AGAP1: variants seen among roughly 807,000 people sequenced by gnomAD.
The protein encoded by AGAP1 is ArfGAP with GTPase domain, ankyrin repeat and PH domain 1.
In AGAP1, 29 loss-of-function variants were observed where a neutral mutation model predicts 105.3. The ratio of observed to expected loss-of-function variants is 0.28; its 90% CI spans 0.21 to 0.38. The LOEUF is 0.38. Among genes scored for constraint, AGAP1 ranks in the 10% least tolerant of loss-of-function variants. AGAP1 has a pLI of 1.00. For synonymous variants in AGAP1, 509 were observed against 485.9 expected, an observed-to-expected ratio of 1.05 and a Z score of -0.63; for missense variants, 998 against 1,165.1, an observed-to-expected ratio of 0.86 and a Z score of 2.09.
Position 235,840,498 on chromosome 2 carries a change from C to G in AGAP1, c.1050+33167C>G, listed in dbSNP as rs184083020. ...AGCCATGCACTGTGGTGGGTCAGAT[C>G]TCAATACTCGTGGGTCCGTGTTGTC... On this transcript the variant is annotated intron_variant, in intron 9 of 17. Coordinates refer to ENST00000304032, the MANE Select transcript of AGAP1 (RefSeq NM_001037131.3). Among the ~76,000 whole-genome samples the G allele has an allele frequency of 1.2e-4, 18 of 152,296 alleles. No individual in the cohort carries two copies. In the East Asian group the frequency reaches 3.5e-3, roughly 29 times the overall value.
At chr2:235,839,777 G>T (rs1016204057) in intron 9 of AGAP1, among the ~76,000 whole-genome samples, 2 of 152,164 alleles carry the variant, frequency 1.3e-5, no homozygotes, top group Non-Finnish European at 2.9e-5. Context: ...AGGAGATGTG[G>T]GAACAGGAGG....
intron 1 of AGAP1, among the ~76,000 whole-genome samples, chr2:235,704,333 C>T (rs1034753547): frequency 3.9e-5 from 6 of 152,232 alleles, no homozygotes; most frequent in Non-Finnish European, 8.8e-5. Flanking sequence ...GTGGACAAAG[C>T]TCTGCAGGGA....
At chr2:236,106,099 TTCTGGCTGCCCTTG>T (rs1223556852) in intron 16 of AGAP1, among the ~76,000 whole-genome samples, 2 of 152,226 alleles carry the variant, frequency 1.3e-5, no homozygotes, top group Non-Finnish European at 1.5e-5. Context: ...AATCACTGTT[TTCTGGCTGCCCTTG>T]GCTGGCTGGC....
At chr2:235,778,175 CCCTT>C (rs1461134256) in intron 6 of AGAP1, among the ~76,000 whole-genome samples, 1 of 152,188 alleles carries the variant, frequency 6.6e-6, no homozygotes, top group African/African-American at 2.4e-5. Context: ...TGACTCCCCT[CCCTT>C]CCTCCCTGTG....
At chr2:235,636,206 T>C (rs1232717931) in intron 1 of AGAP1, among the ~76,000 whole-genome samples, 2 of 152,130 alleles carry the variant, frequency 1.3e-5, no homozygotes, top group East Asian at 1.9e-4. Context: ...GGTCCTGAAT[T>C]TCATCCAGCT....
chr2:235,814,248 CT>C, intron 9 of AGAP1, among the ~76,000 whole-genome samples: 1 of 152,220 alleles, frequency 6.6e-6, no homozygotes, highest in Non-Finnish European at 1.5e-5. Context: ...CTACCCAGCA[CT>C]TCCCTGCCTG....
chr2:235,746,411 T>TTA (rs1472928758), intron 5 of AGAP1, among the ~76,000 whole-genome samples: 11 of 113,138 alleles, frequency 9.7e-5, no homozygotes, highest in African/African-American at 3.2e-4. Flanking sequence ...TTTTTTTTTT[T>TTA]AAAGCGTACG....
chr2:236,025,399 G>A (rs937743107), intron 13 of AGAP1, among the ~76,000 whole-genome samples: 14 of 152,092 alleles, frequency 9.2e-5, no homozygotes, highest in East Asian at 3.8e-4. Flanking sequence ...GTGTCACTTC[G>A]TAATGTGCTG....
At chr2:235,581,152 A>C (rs953660958) in intron 1 of AGAP1, among the ~76,000 whole-genome samples, 4 of 147,254 alleles carry the variant, frequency 2.7e-5, no homozygotes, top group African/African-American at 1.0e-4. Flanking sequence ...AAAAAAAAAA[A>C]AAAAAAATGC....
chr2:236,022,389 A>G (rs1300361698), intron 13 of AGAP1, among the ~76,000 whole-genome samples: 1 of 152,206 alleles, frequency 6.6e-6, no homozygotes. Context: ...TCCAAAAATA[A>G]TTAGCTGAGA....
intron 1 of AGAP1, among the ~76,000 whole-genome samples, chr2:235,522,159 G>T (rs943027059): frequency 6.6e-6 from 1 of 152,190 alleles, no homozygotes; most frequent in African/African-American, 2.4e-5. Flanking sequence ...CTTCCTGGCA[G>T]TTCCTTAAAC....
chr2:235,535,937 C>T lies in AGAP1; in HGVS notation c.163+41088C>T, dbSNP rs1369860413. Among the ~76,000 whole-genome samples the T allele has an allele frequency of 1.3e-5, 2 of 151,918 alleles. No individual in the cohort carries two copies. Among genetic ancestry groups the T allele is most frequent in the Non-Finnish European group, 2.9e-5 (2 of 67,990 alleles). On this transcript the variant is annotated intron_variant, in intron 1 of 17. Transcript: ENST00000304032. The surrounding 1 kb of genome is among the most constrained non-coding windows in gnomAD (Gnocchi z 5.1). ...TTTCCTGCCCTCCTTGGCTGGTGGA[C>T]GTAAGGCCCCTCGCCCCATCTGCTT...
In AGAP1 at chr2:235,824,181, G is replaced by C. The variant is rs1958948503; in HGVS notation, c.1050+16850G>C. ...TTTCTAAATAGCGCCAACGCTGAGG[G>C]GTCTTCGATTGGTGGCACCCGTGTT... On this transcript the variant is annotated intron_variant, in intron 9 of 17. Coordinates refer to ENST00000304032, the MANE Select transcript of AGAP1 (RefSeq NM_001037131.3). This position sits in a 1 kb window ranked among gnomAD's most constrained non-coding sequence, Gnocchi z 5.2. 1.3e-5 allele frequency among the ~76,000 whole-genome samples: 2 copies of C among 152,216 alleles called. No homozygotes were observed.
intron 1 of AGAP1, among the ~76,000 whole-genome samples, chr2:235,606,743 G>A (rs1163799175): frequency 6.6e-6 from 1 of 152,078 alleles, no homozygotes; most frequent in Admixed American, 6.6e-5. Flanking sequence ...AGGGTCAGGG[G>A]ATCGAGACCA....
At position 235,787,469 on chromosome 2, in the gene AGAP1, CA is replaced by C. The variant is rs368466881; in HGVS notation, c.674-10289del. On this transcript the variant is annotated intron_variant, in intron 6 of 17. Coordinates refer to ENST00000304032, the MANE Select transcript of AGAP1 (RefSeq NM_001037131.3). This position sits in a 1 kb window ranked among gnomAD's most constrained non-coding sequence, Gnocchi z 4.4. The stretch of plus-strand genomic sequence containing the variant: ...GCACTTTCTATATCCCACATGCTGC[CA>C]CTTATCTAACACATTGGGAGAGAAA... Among the ~76,000 whole-genome samples the C allele has an allele frequency of 8.3e-4, 127 of 152,308 alleles. No individual in the cohort carries two copies. Among genetic ancestry groups the C allele is most frequent in the Non-Finnish European group, 1.5e-3 (105 of 68,038 alleles).
intron 9 of AGAP1, among the ~76,000 whole-genome samples, chr2:235,826,873 T>C (rs1398882190): frequency 6.6e-6 from 1 of 152,218 alleles, no homozygotes; most frequent in Non-Finnish European, 1.5e-5. Flanking sequence ...CACACAAATT[T>C]GGCCAAACAG....
intron 7 of AGAP1, 54 bp downstream of exon 7, chr2:235,797,940 A>G: frequency 6.3e-7 from 1 of 1,596,508 alleles, no homozygotes; most frequent in Middle Eastern, 1.7e-4. Context: ...CAATATGCAA[A>G]TAGTGTTCCC....
At chr2:235,818,331 G>C (rs1163679729) in intron 9 of AGAP1, among the ~76,000 whole-genome samples, 2 of 152,206 alleles carry the variant, frequency 1.3e-5, no homozygotes, top group African/African-American at 4.8e-5. Flanking sequence ...CACGTGAGTG[G>C]AAGAGCTGGG....
chr2:235,645,256 A>G (rs976898554), intron 1 of AGAP1, among the ~76,000 whole-genome samples: 3 of 152,210 alleles, frequency 2.0e-5, no homozygotes, highest in African/African-American at 7.2e-5. Flanking sequence ...AAGTAGAATT[A>G]CAGTTGAAAA....
Sources: allele counts gnomAD v4.1 joint callset (sites outside exome capture counted in the v4.1 genomes callset), GRCh38; gene constraint gnomAD v4.1.1; non-coding constraint Gnocchi (gnomAD v3.1); transcripts MANE v1.5; gene names NCBI Gene and HGNC (gene_info 2026-07-23, HGNC 2026-07-21).